CHAF1B: variants seen among roughly 807,000 people sequenced by gnomAD.
CHAF1B encodes the protein chromatin assembly factor 1 subunit B.
CHAF1B carries 10 observed loss-of-function variants against 60.7 expected under a neutral mutation model. The ratio of observed to expected loss-of-function variants is 0.16; its 90% confidence interval spans 0.10 to 0.28. The LOEUF (loss-of-function observed/expected upper bound fraction) is 0.28. Among genes scored for constraint, CHAF1B ranks in the 10% least tolerant of loss-of-function variants. The pLI, the probability that CHAF1B is intolerant of heterozygous loss-of-function variation, is 1.00. For missense variants in CHAF1B, 558 were observed against 708.4 expected (o/e 0.79, Z 2.41); for synonymous variants, 261 against 266.1 (o/e 0.98, Z 0.19).
At chr21:36,387,527 A>G in intron 2 of CHAF1B, 71 bp from the exon 3 acceptor site, 2 of 1,570,822 alleles carry the variant, frequency 1.3e-6, no homozygotes, top group South Asian at 2.3e-5. Flanking sequence ...AGCCCATAGT[A>G]TTGTTTTAAT....
intron 12 of CHAF1B, among the ~76,000 whole-genome samples, chr21:36,413,552 T>C (rs2086295452): frequency 6.6e-6 from 1 of 152,188 alleles, no homozygotes; most frequent in African/African-American, 2.4e-5. Context: ...ACACAGACTG[T>C]GATTTGGCTG....
Sources: allele counts gnomAD v4.1 joint callset (sites outside exome capture counted in the v4.1 genomes callset), GRCh38; gene constraint gnomAD v4.1.1; transcripts MANE v1.5; gene names NCBI Gene and HGNC (gene_info 2026-07-23, HGNC 2026-07-21).